The following ZCCHC14 variants were observed in gnomAD, a reference collection of about 807,000 sequenced individuals.
ZCCHC14 encodes zinc finger CCHC-type containing 14.
A neutral mutation model predicts 85.0 loss-of-function variants in ZCCHC14; 16 were observed. The ratio of observed to expected loss-of-function variants is 0.19; its 90% CI spans 0.13 to 0.29. The LOEUF (loss-of-function observed/expected upper bound fraction) is 0.29, where lower values mean the gene tolerates loss of function less well. Ranked by LOEUF, ZCCHC14 falls within the 10% of genes least tolerant of loss-of-function variation. The probability of loss-of-function intolerance (pLI) is 1.00; values close to 1 mark genes in which losing one functional copy is unlikely to be tolerated. For synonymous variants in ZCCHC14, 775 were observed against 630.7 expected (o/e 1.23, Z -3.43); for missense variants, 1,303 against 1,443.5 (o/e 0.90, Z 1.58).
intron 1 of ZCCHC14, among the ~76,000 whole-genome samples, chr16:87,485,590 CAAAAAAAAA>C (rs35083614): frequency 1.6e-4 from 16 of 98,654 alleles, no homozygotes; most frequent in African/African-American, 4.7e-4. Flanking sequence ...GGCAGTTTTC[CAAAAAAAAA>C]AAAAAAAAGA....
chr16:87,419,481 T>G (rs1180246246), intron 6 of ZCCHC14, among the ~76,000 whole-genome samples: 4 of 152,218 alleles, frequency 2.6e-5, no homozygotes. Context: ...TTTTGTATTT[T>G]TAGTAGACAC....
At chr16:87,461,984 A>G (rs534600649) in intron 1 of ZCCHC14, among the ~76,000 whole-genome samples, 25 of 152,274 alleles carry the variant, frequency 1.6e-4, no homozygotes, top group African/African-American at 5.1e-4. Context: ...TCGAGAAAAT[A>G]AGGCCGGGCG....
At chr16:87,467,395 A>G (rs1911574427) in intron 1 of ZCCHC14, 1 of 1,600,178 alleles carries the variant, frequency 6.2e-7, no homozygotes, top group Admixed American at 1.7e-5. Context: ...GGCACAGTTT[A>G]CTGTCAGGCA....
Position 87,412,112 on chromosome 16 carries a change from G to T in ZCCHC14, c.2609C>A (p.Pro870Gln). The T allele has an allele frequency of 6.2e-7, 1 of 1,613,612 alleles. No homozygotes were observed. Among genetic ancestry groups the T allele is most frequent in the South Asian group, 1.1e-5 (1 of 91,084 alleles). ...LPSCPAPSSS[P>Q]ALSSVPESSF... is the part of the protein sequence containing the mutation. ...GCTTTCAGGGACGGAGGACAGCGCC[G>T]GGCTGGAGCTGGGGGCTGGGCAGCT... Residue 870 changes from proline to glutamine, a missense_variant, in exon 12 of 13, where the codon CCG (proline) becomes CAG (glutamine). By Grantham distance (76) the Pro-to-Gln change is moderately conservative. Transcript: ENST00000671377.
At chr16:87,444,253 G>T (rs549970106) in intron 2 of ZCCHC14, among the ~76,000 whole-genome samples, 3 of 152,158 alleles carry the variant, frequency 2.0e-5, no homozygotes, top group Non-Finnish European at 4.4e-5. Flanking sequence ...AAAGCTGAGT[G>T]TTGAACATCT....
At chr16:87,478,631 C>CG (rs1419962892) in intron 1 of ZCCHC14, among the ~76,000 whole-genome samples, 1 of 148,618 alleles carries the variant, frequency 6.7e-6, no homozygotes, top group African/African-American at 2.5e-5. Flanking sequence ...TTTTTTGAGA[C>CG]GGAGTCTCAC....
At chr16:87,475,311 G>A (rs1911954172) in intron 1 of ZCCHC14, among the ~76,000 whole-genome samples, 1 of 152,096 alleles carries the variant, frequency 6.6e-6, no homozygotes, top group Admixed American at 6.5e-5. Flanking sequence ...CAGCACTTAG[G>A]GAGGCCAAGG....
rs78832695 is a variant in ZCCHC14 at position 87,467,190 on chromosome 16, G to A, written c.571-7059C>T. On this transcript the variant is annotated intron_variant, in intron 1 of 12. Coordinates refer to ENST00000671377, the MANE Select transcript of ZCCHC14 (RefSeq NM_015144.3). ...TCTGCTTTCTCCTCTGGCGGGAGAA[G>A]ACTATTCTTCCTTTTAAAAGGAAAC... The A allele has an allele frequency of 2.8e-6, 4 of 1,431,382 alleles. No individual in the cohort carries two copies. The East Asian group carries it at 6.8e-5, about 24-fold the overall frequency. The allele number at this position is 1,431,382 out of a possible 1,614,324, so 88.7% of individuals were successfully genotyped here.
intron 1 of ZCCHC14, among the ~76,000 whole-genome samples, chr16:87,464,250 G>A (rs1435931754): frequency 6.6e-6 from 1 of 152,174 alleles, no homozygotes; most frequent in African/African-American, 2.4e-5. Context: ...GTGCTTCTCG[G>A]CCTCGACAGC....
At chr16:87,450,233 T>C (rs1289230966) in intron 2 of ZCCHC14, among the ~76,000 whole-genome samples, 1 of 152,236 alleles carries the variant, frequency 6.6e-6, no homozygotes, top group Admixed American at 6.5e-5. Flanking sequence ...GAAAACTGTG[T>C]TCTTAAGACT....
At position 87,492,499 on chromosome 16, in the gene ZCCHC14, G is replaced by A. The variant is rs1244851072; in HGVS notation, c.-261C>T. On this transcript the variant is annotated 5_prime_UTR_variant, in exon 1 of 13. Transcript: ENST00000671377. This position sits in a 1 kb window ranked among gnomAD's most constrained non-coding sequence, Gnocchi z 6.7. The stretch of plus-strand genomic sequence containing the variant: ...GGGCCCGGGGCGGCCGGGGCGGCCG[G>A]GGGCGGCGAGCGGCCTCGGGCCCCC... The A allele has an allele frequency of 6.9e-6, 1 of 145,376 alleles. No individual in the cohort carries two copies. Among genetic ancestry groups the A allele is most frequent in the Non-Finnish European group, 1.5e-5 (1 of 65,542 alleles). The allele number at this position is 145,376 out of a possible 1,614,324, so 9.0% of individuals were successfully genotyped here.
At chr16:87,422,178 C>A (rs1291903006) in intron 4 of ZCCHC14, among the ~76,000 whole-genome samples, 1 of 152,108 alleles carries the variant, frequency 6.6e-6, no homozygotes, top group Non-Finnish European at 1.5e-5. Flanking sequence ...GGCAAAAACA[C>A]AAAAGAAACC....
intron 3 of ZCCHC14, among the ~76,000 whole-genome samples, chr16:87,432,804 C>A (rs549125939): frequency 6.6e-6 from 1 of 152,344 alleles, no homozygotes; most frequent in East Asian, 1.9e-4. Flanking sequence ...AGAGGCACCA[C>A]GGCCCCGGGT....
At chr16:87,482,455 C>T (rs1450576918) in intron 1 of ZCCHC14, among the ~76,000 whole-genome samples, 1 of 152,176 alleles carries the variant, frequency 6.6e-6, no homozygotes, top group African/African-American at 2.4e-5. Flanking sequence ...CCCAGCCGGC[C>T]CGGCACACCC....
At chr16:87,467,905 C>G (rs1381012043) in intron 1 of ZCCHC14, among the ~76,000 whole-genome samples, 2 of 152,192 alleles carry the variant, frequency 1.3e-5, no homozygotes, top group African/African-American at 2.4e-5. Context: ...CCCGCCTCAG[C>G]CTCCCAAAGT....
At chr16:87,427,564 A>G (rs1486880579) in intron 3 of ZCCHC14, among the ~76,000 whole-genome samples, 2 of 152,218 alleles carry the variant, frequency 1.3e-5, no homozygotes, top group African/African-American at 4.8e-5. Context: ...TTTGAAAGAA[A>G]AGATAACACT....
At chr16:87,462,269 A>G (rs1371911977) in intron 1 of ZCCHC14, among the ~76,000 whole-genome samples, 1 of 152,216 alleles carries the variant, frequency 6.6e-6, no homozygotes, top group Non-Finnish European at 1.5e-5. Context: ...CCGATTTAAC[A>G]AAGTCTCTTT....
intron 2 of ZCCHC14, among the ~76,000 whole-genome samples, chr16:87,457,982 G>A (rs1215586748): frequency 3.3e-5 from 5 of 152,024 alleles, no homozygotes; most frequent in African/African-American, 9.7e-5. Context: ...GAGCCGACCC[G>A]CCAGCCTACG....
At chr16:87,483,114 C>G (rs1912360866) in intron 1 of ZCCHC14, among the ~76,000 whole-genome samples, 1 of 151,694 alleles carries the variant, frequency 6.6e-6, no homozygotes, top group Non-Finnish European at 1.5e-5. Flanking sequence ...AAAACAAATA[C>G]ATGCAATTCC....
Sources: gnomAD v4.1 joint callset for allele counts (sites outside exome capture counted in the v4.1 genomes callset) on GRCh38, gnomAD v4.1.1 for gene constraint, Gnocchi (gnomAD v3.1) non-coding constraint, MANE v1.5 for transcripts, NCBI Gene and HGNC (gene_info 2026-07-23, HGNC 2026-07-21) for gene names.